Variants in LOC400499 observed in about 807,000 individuals in gnomAD.
chr16:11,428,694 T>C, the LOC400499 span, among the ~76,000 whole-genome samples: 2 of 152,182 alleles, frequency 1.3e-5, no homozygotes, highest in Admixed American at 1.3e-4. Context: ...TATCTCTTCC[T>C]GTGACTAAGA....
At chr16:11,454,077 G>T in the LOC400499 span, among the ~76,000 whole-genome samples, 1 of 152,134 alleles carries the variant, frequency 6.6e-6, no homozygotes, top group Non-Finnish European at 1.5e-5. Flanking sequence ...GGACTAAGAC[G>T]AGCTCCTAAA....
At chr16:11,435,860 C>T in the LOC400499 span, 10 of 399,084 alleles carry the variant, frequency 2.5e-5, no homozygotes, top group Admixed American at 1.3e-4. Flanking sequence ...CACTCTGTAG[C>T]GCCCGGCAGC....
At chr16:11,510,517 G>A in the LOC400499 span, among the ~76,000 whole-genome samples, 1 of 151,814 alleles carries the variant, frequency 6.6e-6, no homozygotes, top group Non-Finnish European at 1.5e-5. Flanking sequence ...GTCACTGGCT[G>A]TCATGCAGCT....
chr16:11,484,923 A>G, the LOC400499 span: 2 of 399,242 alleles, frequency 5.0e-6, no homozygotes, highest in Non-Finnish European at 8.8e-6. Flanking sequence ...TCTCCTGGAC[A>G]CTCGGGGCTG....
the LOC400499 span, chr16:11,423,197 G>A: frequency 1.8e-5 from 7 of 399,228 alleles, no homozygotes; most frequent in South Asian, 1.3e-4. Context: ...GCTGCCCAGC[G>A]ATGTCCCCTC....
the LOC400499 span, among the ~76,000 whole-genome samples, chr16:11,470,410 A>G: frequency 6.6e-6 from 1 of 152,154 alleles, no homozygotes; most frequent in South Asian, 2.1e-4. Context: ...TGAGGCTGCA[A>G]CTTCACCTGA....
chr16:11,395,467 G>T, the LOC400499 span, among the ~76,000 whole-genome samples: 1 of 152,208 alleles, frequency 6.6e-6, no homozygotes, highest in African/African-American at 2.4e-5. Context: ...GGCAGGCAGG[G>T]GCCTGGCTGG....
chr16:11,451,698 T>C, the LOC400499 span, among the ~76,000 whole-genome samples: 1 of 152,182 alleles, frequency 6.6e-6, no homozygotes, highest in African/African-American at 2.4e-5. Context: ...AGTGACAATT[T>C]ACCTGATACC....
the LOC400499 span, chr16:11,442,662 C>A: frequency 6.6e-6 from 1 of 152,216 alleles, no homozygotes; most frequent in African/African-American, 2.4e-5. Flanking sequence ...CTTATAAACA[C>A]TGGAAATCTG....
the LOC400499 span, chr16:11,411,317 G>T: frequency 2.0e-4 from 80 of 399,294 alleles, no homozygotes; most frequent in African/African-American, 1.4e-3. Flanking sequence ...CCTGAGAACA[G>T]CAGCTCTTTG....
the LOC400499 span, among the ~76,000 whole-genome samples, chr16:11,454,467 AG>A: frequency 6.6e-6 from 1 of 152,242 alleles, no homozygotes; most frequent in Non-Finnish European, 1.5e-5. Context: ...CTATTAGAAA[AG>A]AAAAATCTGG....
chr16:11,459,031 C>T, the LOC400499 span, among the ~76,000 whole-genome samples: 1 of 150,790 alleles, frequency 6.6e-6, no homozygotes, highest in Non-Finnish European at 1.5e-5. Context: ...AGCGAGACTC[C>T]ATCTCCAAAA....
chr16:11,507,945 G>A, the LOC400499 span, among the ~76,000 whole-genome samples: 2 of 152,022 alleles, frequency 1.3e-5, no homozygotes, highest in Non-Finnish European at 2.9e-5. Context: ...AAAAAAAATT[G>A]TAGAACATTG....
chr16:11,393,446 C>T, the LOC400499 span: 1 of 1,232,362 alleles, frequency 8.1e-7, no homozygotes, highest in Non-Finnish European at 1.0e-6. Flanking sequence ...ACACAGACAG[C>T]CTCACTTTCT....
At chr16:11,454,393 C>A in the LOC400499 span, among the ~76,000 whole-genome samples, 2 of 152,204 alleles carry the variant, frequency 1.3e-5, no homozygotes, top group Non-Finnish European at 2.9e-5. Flanking sequence ...TTGCAGATAT[C>A]ATTAAGTCAA....
chr16:11,407,442 C>T, the LOC400499 span: 1 of 396,030 alleles, frequency 2.5e-6, no homozygotes, highest in African/African-American at 2.1e-5. Flanking sequence ...AGGGCTCTGC[C>T]TCCCAAAGTC....
the LOC400499 span, among the ~76,000 whole-genome samples, chr16:11,452,205 G>GTTTTTTTTTTTTTT: frequency 1.1e-5 from 1 of 89,792 alleles, no homozygotes; most frequent in African/African-American, 3.5e-5. Flanking sequence ...TTTTTTGTTT[G>GTTTTTTTTTTTTTT]TTTTTTTTTT....
At chr16:11,520,571 G>A in the LOC400499 span, among the ~76,000 whole-genome samples, 2 of 151,386 alleles carry the variant, frequency 1.3e-5, no homozygotes, top group African/African-American at 2.4e-5. Flanking sequence ...GGAGGCTGAC[G>A]CAGGAGAATC....
the LOC400499 span, among the ~76,000 whole-genome samples, chr16:11,448,424 A>T: frequency 3.0e-4 from 45 of 152,302 alleles, no homozygotes; most frequent in Non-Finnish European, 5.3e-4. Flanking sequence ...CATGCCTGTA[A>T]TCCCAACACT....
Sources: gnomAD v4.1 joint callset for allele counts (sites outside exome capture counted in the v4.1 genomes callset) on GRCh38, gnomAD v4.1.1 for gene constraint, MANE v1.5 for transcripts.